CHD5: variants seen among roughly 807,000 people sequenced by gnomAD.
CHD5 encodes the protein chromodomain helicase DNA binding protein 5.
In CHD5, 69 loss-of-function variants were observed where a neutral mutation model predicts 230.3. The observed-to-expected ratio is 0.30, with a 90% confidence interval of 0.25 to 0.37. The LOEUF (loss-of-function observed/expected upper bound fraction) is 0.37. Among genes scored for constraint, CHD5 ranks in the 10% least tolerant of loss-of-function variants. The pLI, the probability that CHD5 is intolerant of heterozygous loss-of-function variation, is 1.00. For missense variants in CHD5, 1,827 were observed against 2,622.8 expected (o/e 0.70, Z 6.63); for synonymous variants, 1,064 against 1,065.9 (o/e 1.00, Z 0.03).
rs1163210157 is a variant in CHD5, at chr1:6,143,836, G to A, written c.2030C>T (p.Thr677Met). The A allele has an allele frequency of 1.2e-5, 19 of 1,611,376 alleles. No individual in the cohort carries two copies. Among genetic ancestry groups the A allele is most frequent in the Middle Eastern group, 2.0e-4 (1 of 4,912 alleles). The change falls in exon 13 of 42, where the codon ACG (threonine) becomes ATG (methionine). Residue 677 changes from threonine (T) to methionine (M), a missense_variant. Thr to Met is a moderately conservative substitution (Grantham distance 81, BLOSUM62 -1). This residue lies in a region of CHD5 where 657 missense variants were observed against 816.4 expected (regional missense o/e 0.80). Coordinates refer to ENST00000262450, the MANE Select transcript of CHD5 (RefSeq NM_015557.3). Reference sequence around the variant, plus strand: ...CTCCCCACTCACGTCCACAATGGGCGTGTCCGGCGGCTTCTCCTGCTTGTC... The same window carrying A: ...CTCCCCACTCACGTCCACAATGGGCATGTCCGGCGGCTTCTCCTGCTTGTC... Reference protein sequence around the residue: ...RDDKQEKPPDTPIVDPTVKFD... With the variant: ...RDDKQEKPPDMPIVDPTVKFD...
intron 33 of CHD5, among the ~76,000 whole-genome samples, chr1:6,114,182 G>A (rs548288809): frequency 6.4e-4 from 98 of 152,006 alleles, no homozygotes; most frequent in African/African-American, 2.2e-3. Context: ...GAACCCGGGA[G>A]GCAGAGGTTG....
chr1:6,136,905 G>A (rs1666754834), intron 15 of CHD5, 40 bp from the exon 16 acceptor site: 6 of 1,571,750 alleles, frequency 3.8e-6, no homozygotes, highest in Middle Eastern at 1.7e-4. Flanking sequence ...ACGGCTGGGA[G>A]CAGAGCGGAT....
In CHD5 at chr1:6,128,062, C is replaced by A. The variant is rs1340320056; in HGVS notation, c.3887G>T (p.Arg1296Leu). ...GGACCTTACCACGCCGTCCTCCTCGCGCACCACGTACTGCGCCACCTTGAA... is the reference window on the plus strand; with the variant it reads ...GGACCTTACCACGCCGTCCTCCTCGAGCACCACGTACTGCGCCACCTTGAA... ...SSFKVAQYVVREEDGVEEVER... is the reference protein window; with the variant it reads ...SSFKVAQYVVLEEDGVEEVER... The change falls in exon 25 of 42, where the codon CGC becomes CTC. Residue 1296 changes from arginine (R) to leucine (L), a missense_variant. This residue lies in a region of CHD5 where 137 missense variants were observed against 272.7 expected (regional missense o/e 0.50). Coordinates refer to ENST00000262450, the MANE Select transcript of CHD5 (RefSeq NM_015557.3). The surrounding 1 kb of genome is among the most constrained non-coding windows in gnomAD (Gnocchi z 7.8). 2 of 1,610,392 alleles carry A rather than the reference C, an allele frequency of 1.2e-6. No individual in the cohort carries two copies. Among genetic ancestry groups the A allele is most frequent in the Non-Finnish European group, 1.7e-6 (2 of 1,178,600 alleles).
Position 6,109,886 on chromosome 1 carries a change from C to T in CHD5, c.5487G>A (p.Leu1829=), listed in dbSNP as rs1666257358. 1.2e-6 allele frequency: 2 copies of T among 1,612,502 alleles called. No homozygotes were observed. The highest frequency in any genetic ancestry group is 2.7e-5 in the African/African-American group (2 of 74,896). ...NHPAMALNAR[L]AEVECLAESH... ...TCTCGGCGAGGCACTCCACTTCAGCCAGGCGGGCGTTGAGGGCCATGGCGG... is the reference window on the plus strand; with the variant it reads ...TCTCGGCGAGGCACTCCACTTCAGCTAGGCGGGCGTTGAGGGCCATGGCGG... Residue 1829 remains leucine (L), a synonymous_variant, in exon 38 of 42, where the codon CTG becomes CTA. Coordinates refer to ENST00000262450, the MANE Select transcript of CHD5 (RefSeq NM_015557.3).
Position 6,119,230 on chromosome 1 carries a change from C to T in CHD5, c.4912+1875G>A, listed in dbSNP as rs143880460. ...GGTGCGACCTCAGCCTCCCAAGTAG[C>T]TGGGACTACTGGCGCTCGCCACCAT... On this transcript the variant is annotated intron_variant, in intron 33 of 41. Transcript: ENST00000262450. 4.4e-3 allele frequency among the ~76,000 whole-genome samples: 675 copies of T among 152,150 alleles called. 8 individuals carry two copies. Among genetic ancestry groups the T allele is most frequent in the African/African-American group, 0.016 (650 of 41,510 alleles).
In CHD5 at chr1:6,106,794, G is replaced by A. The variant is rs749258627; in HGVS notation, c.5579-15C>T. ...CTGGTTCAGGACTGTGGTGGGAGGC[G>A]GAGGGATGGTAGGATGCAGGGATGG... On this transcript the variant is annotated splice_polypyrimidine_tract_variant and intron_variant, in intron 38 of 41. Coordinates refer to ENST00000262450, the MANE Select transcript of CHD5 (RefSeq NM_015557.3). 4.0e-5 allele frequency: 64 copies of A among 1,606,458 alleles called. No individual in the cohort carries two copies. The highest frequency in any genetic ancestry group is 1.2e-4 in the Admixed American group (7 of 59,532).
At chr1:6,106,131 C>T in intron 41 of CHD5, 103 bp downstream of exon 41, 2 of 1,093,848 alleles carry the variant, frequency 1.8e-6, no homozygotes, top group Non-Finnish European at 2.7e-6. Flanking sequence ...AGCTCCAGGA[C>T]TTAGGGACGG....
chr1:6,121,188 C>T lies in CHD5; in HGVS notation c.4829G>A (p.Ser1610Asn). 3 of 1,614,006 alleles carry T rather than the reference C, an allele frequency of 1.9e-6. No homozygotes were observed. In the South Asian group the frequency reaches 3.3e-5, roughly 18 times the overall value. The change falls in exon 33 of 42, where the codon AGC (serine) becomes AAC (asparagine). Residue 1610 changes from serine to asparagine, a missense_variant. Coordinates refer to ENST00000262450, the MANE Select transcript of CHD5 (RefSeq NM_015557.3). This position sits in a 1 kb window ranked among gnomAD's most constrained non-coding sequence, Gnocchi z 4.5. ...DRVESEDKHE[S>N]PASKERAREE... The stretch of plus-strand genomic sequence containing the variant: ...TCGGGCTCTCTCCTTGCTGGCTGGG[C>T]TCTCGTGCTTGTCCTCACTCTCCAC...
rs758449243 is a variant in CHD5, at chr1:6,121,452, C to A, written c.4779+42G>T. The stretch of plus-strand genomic sequence containing the variant: ...AGAAGGTCCCCAGACCCAACCTCCA[C>A]CCCACACACACCACAGGCCCAGACG... On this transcript the variant is annotated intron_variant, in intron 32 of 41. Coordinates refer to ENST00000262450, the MANE Select transcript of CHD5 (RefSeq NM_015557.3). This position sits in a 1 kb window ranked among gnomAD's most constrained non-coding sequence, Gnocchi z 4.5. 1 of 1,570,122 alleles carries A rather than the reference C, an allele frequency of 6.4e-7. No homozygotes were observed. The highest frequency in any genetic ancestry group is 1.1e-5 in the South Asian group (1 of 87,968).
At chr1:6,168,329 G>A in intron 1 of CHD5, 52 bp from the exon 2 acceptor site, 1 of 1,542,186 alleles carries the variant, frequency 6.5e-7, no homozygotes, top group African/African-American at 1.4e-5. Flanking sequence ...CTCCAGGAGA[G>A]CCCTGGAGAC....
intron 33 of CHD5, among the ~76,000 whole-genome samples, chr1:6,120,701 G>C (rs563967565): frequency 6.6e-6 from 1 of 152,014 alleles, no homozygotes; most frequent in South Asian, 2.1e-4. Flanking sequence ...ACAAGAGATC[G>C]AGACCATCCT....
At chr1:6,137,081 TGGA>T (rs59054272) in intron 15 of CHD5, among the ~76,000 whole-genome samples, 61,417 of 151,052 alleles carry the variant, frequency 0.41, 13,298 homozygotes, top group East Asian at 0.8. Flanking sequence ...GAGGGTGGTG[TGGA>T]GGAGGAGAAG....
chr1:6,140,189 T>A (rs1666806192), intron 15 of CHD5, among the ~76,000 whole-genome samples: 1 of 151,760 alleles, frequency 6.6e-6, no homozygotes, highest in South Asian at 2.1e-4. Context: ...GATCATGAGG[T>A]CAAGAGATCG....
rs1666576943 is a variant in CHD5 at position 6,127,457 on chromosome 1, GC to G, written c.3903+588del. ...GCTGATACTGCGCCACTGCACTCCA[GC>G]CGGGGCGACAGAGCGAGACTCCATT... is the stretch of plus-strand genomic sequence containing the variant. On this transcript the variant is annotated intron_variant, in intron 25 of 41. Coordinates refer to ENST00000262450, the MANE Select transcript of CHD5 (RefSeq NM_015557.3). Among the ~76,000 whole-genome samples, 2 of 151,970 alleles carry G rather than the reference GC, an allele frequency of 1.3e-5. 1 individual carries two copies. Among genetic ancestry groups the G allele is most frequent in the South Asian group, 4.2e-4 (2 of 4,814 alleles).
At chr1:6,138,806 A>T (rs534452643) in intron 15 of CHD5, among the ~76,000 whole-genome samples, 27 of 152,240 alleles carry the variant, frequency 1.8e-4, no homozygotes, top group Non-Finnish European at 4.0e-4. Context: ...GGATATGTGC[A>T]CACCCATAAT....
At chr1:6,164,152 C>T (rs1440656397) in intron 2 of CHD5, among the ~76,000 whole-genome samples, 2 of 152,234 alleles carry the variant, frequency 1.3e-5, no homozygotes, top group African/African-American at 4.8e-5. Flanking sequence ...TTGGCAGAGG[C>T]CTCCCACCTC....
At chr1:6,123,040 C>T (rs1036783683) in intron 31 of CHD5, among the ~76,000 whole-genome samples, 4 of 151,038 alleles carry the variant, frequency 2.6e-5, no homozygotes, top group African/African-American at 9.8e-5. Flanking sequence ...GCACTCCAGC[C>T]TGGGCAACAA....
At chr1:6,170,435 G>A (rs901933737) in intron 1 of CHD5, among the ~76,000 whole-genome samples, 23 of 152,186 alleles carry the variant, frequency 1.5e-4, no homozygotes, top group Non-Finnish European at 1.9e-4. Flanking sequence ...CGGGGGCACC[G>A]GGGCTCTGGT....
intron 1 of CHD5, among the ~76,000 whole-genome samples, chr1:6,174,127 AC>A (rs1455894634): frequency 6.6e-6 from 1 of 151,400 alleles, no homozygotes; most frequent in Non-Finnish European, 1.5e-5. Context: ...GGGGAAGTCA[AC>A]CTGGGGGGAC....
Sources: allele counts gnomAD v4.1 joint callset (sites outside exome capture counted in the v4.1 genomes callset), GRCh38; gene constraint gnomAD v4.1.1; regional missense constraint gnomAD v4.1.1; non-coding constraint Gnocchi (gnomAD v3.1); transcripts MANE v1.5; gene names NCBI Gene and HGNC (gene_info 2026-07-23, HGNC 2026-07-21).